Variants in ASPH observed in about 807,000 individuals in gnomAD.
ASPH encodes the protein aspartyl/asparaginyl beta-hydroxylase.
Under a neutral mutation model 118.4 loss-of-function variants are expected in ASPH, and 100 were observed. The observed-to-expected ratio is 0.84, with a 90% confidence interval of 0.72 to 1.00. The LOEUF is 1.00. ASPH is among the 50% of genes least tolerant of loss of function. The pLI, the probability that ASPH is intolerant of heterozygous loss-of-function variation, is 0.00. For missense variants in ASPH, 920 were observed against 919.5 expected (o/e 1.00, Z -0.01); for synonymous variants, 315 against 325.6 (o/e 0.97, Z 0.35).
rs768203767 is a variant in ASPH, at chr8:61,584,012, T to G, written c.994A>C (p.Lys332Gln). The change falls in exon 15 of 25, where the codon AAA becomes CAA. Residue 332 changes from lysine to glutamine, a missense_variant. Transcript: ENST00000379454. ...QKAKVKKKKP[K>Q]LLNKFDKTIK... The stretch of plus-strand genomic sequence containing the variant: ...GTCTTATCAAATTTATTTAAAAGTT[T>G]AGGCTTCTTTTTCTTAACTGAAAGA... 1 of 1,552,944 alleles carries G rather than the reference T, an allele frequency of 6.4e-7. No individual in the cohort carries two copies. Among genetic ancestry groups the G allele is most frequent in the South Asian group, 1.2e-5 (1 of 83,620 alleles).
intron 14 of ASPH, among the ~76,000 whole-genome samples, chr8:61,588,170 G>A (rs1840022485): frequency 6.6e-6 from 1 of 152,168 alleles, no homozygotes; most frequent in Admixed American, 6.5e-5. Flanking sequence ...ATAAATTAAA[G>A]TTTTGTTTTG....
intron 20 of ASPH, among the ~76,000 whole-genome samples, chr8:61,549,916 C>T (rs928288863): frequency 1.3e-5 from 2 of 152,068 alleles, no homozygotes; most frequent in East Asian, 1.9e-4. Context: ...ATTTTAGTTC[C>T]GGCCTTTAAT....
chr8:61,707,189 A>G (rs2151909119), intron 1 of ASPH, among the ~76,000 whole-genome samples: 1 of 152,326 alleles, frequency 6.6e-6, no homozygotes, highest in Non-Finnish European at 1.5e-5. Flanking sequence ...GTGAGTAAAC[A>G]CAGACTAGGA....
At chr8:61,570,572 T>C (rs1833185725) in intron 16 of ASPH, among the ~76,000 whole-genome samples, 1 of 152,180 alleles carries the variant, frequency 6.6e-6, no homozygotes, top group South Asian at 2.1e-4. Flanking sequence ...TTTGTTTTAA[T>C]GAAGTATTAA....
intron 10 of ASPH, among the ~76,000 whole-genome samples, chr8:61,640,463 C>T (rs1175975726): frequency 1.3e-5 from 2 of 152,184 alleles, no homozygotes; most frequent in Admixed American, 6.5e-5. Flanking sequence ...AGACCTCATA[C>T]GACTCTCCAG....
intron 21 of ASPH, among the ~76,000 whole-genome samples, chr8:61,537,777 T>A (rs1280920852): frequency 5.9e-5 from 9 of 152,206 alleles, no homozygotes; most frequent in Admixed American, 5.9e-4. Flanking sequence ...ATATCAAACG[T>A]TGTGCTGTAA....
chr8:61,561,977 C>T (rs1292980603), intron 18 of ASPH, among the ~76,000 whole-genome samples: 2 of 152,168 alleles, frequency 1.3e-5, no homozygotes, highest in Non-Finnish European at 2.9e-5. Context: ...CATACTATCA[C>T]TGAGTGGTAG....
intron 14 of ASPH, among the ~76,000 whole-genome samples, chr8:61,603,349 G>A (rs944567234): frequency 2.0e-5 from 3 of 151,976 alleles, no homozygotes; most frequent in South Asian, 2.1e-4. Context: ...CCTAAACAAG[G>A]TCCAAAGACA....
chr8:61,633,992 A>G (rs553186941), intron 12 of ASPH, among the ~76,000 whole-genome samples: 2 of 152,324 alleles, frequency 1.3e-5, no homozygotes, highest in East Asian at 3.9e-4. Context: ...ACTGCCCAGC[A>G]AAGGAGCTAT....
chr8:61,632,289 C>T (rs1382792074), intron 13 of ASPH, among the ~76,000 whole-genome samples: 1 of 152,066 alleles, frequency 6.6e-6, no homozygotes, highest in Non-Finnish European at 1.5e-5. Context: ...AAAATATTAT[C>T]TTTCATATCT....
At chr8:61,655,534 C>T (rs1220134526) in intron 3 of ASPH, among the ~76,000 whole-genome samples, 1 of 152,152 alleles carries the variant, frequency 6.6e-6, no homozygotes, top group African/African-American at 2.4e-5. Context: ...GTTTTCTCAC[C>T]AAACGATAAA....
chr8:61,652,938 G>A (rs1460429602), intron 4 of ASPH, among the ~76,000 whole-genome samples: 1 of 152,182 alleles, frequency 6.6e-6, no homozygotes, highest in Non-Finnish European at 1.5e-5. Flanking sequence ...CAGTAAATAT[G>A]TAGTGTCATT....
chr8:61,713,920 C>T (rs1392341365), intron 1 of ASPH, among the ~76,000 whole-genome samples: 1 of 152,182 alleles, frequency 6.6e-6, no homozygotes, highest in African/African-American at 2.4e-5. Flanking sequence ...ACACGCAAGG[C>T]AAACGATAAA....
rs940737623 is a variant in ASPH at position 61,512,815 on chromosome 8, C to A, written c.2126+4713G>T. ...TTGGAACAATGTATATTATTACTAT[C>A]ATCATTATCATCAATACACATATAT... On this transcript the variant is annotated intron_variant, in intron 24 of 24. Coordinates refer to ENST00000379454, the MANE Select transcript of ASPH (RefSeq NM_004318.4). 2.6e-5 allele frequency among the ~76,000 whole-genome samples: 4 copies of A among 152,188 alleles called. No individual in the cohort carries two copies. The East Asian group carries it at 7.7e-4, about 29-fold the overall frequency.
intron 1 of ASPH, among the ~76,000 whole-genome samples, chr8:61,708,286 A>C (rs1043410012): frequency 2.6e-5 from 4 of 152,228 alleles, no homozygotes; most frequent in Admixed American, 1.3e-4. Context: ...AATCCATGAA[A>C]CAACTTACAA....
At position 61,503,163 on chromosome 8, in the gene ASPH, G is replaced by A. The variant is rs930173553; in HGVS notation, c.*196C>T. 1 of 492,382 alleles carries A rather than the reference G, an allele frequency of 2.0e-6. No individual in the cohort carries two copies. Among genetic ancestry groups the A allele is most frequent in the Non-Finnish European group, 3.4e-6 (1 of 297,208 alleles). The allele number at this position is 492,382 out of a possible 1,614,324, so 30.5% of individuals were successfully genotyped here. A position where few individuals can be genotyped will look rare whatever the true frequency, so the allele number is the denominator to read the frequency against. ...CTGTCATGAGATGACACACAGCAGG[G>A]TGTTTCCTAAATGAATTGCAGCGAG... On this transcript the variant is annotated 3_prime_UTR_variant, in exon 25 of 25. Coordinates refer to ENST00000379454, the MANE Select transcript of ASPH (RefSeq NM_004318.4).
chr8:61,611,884 G>C (rs999168280), intron 14 of ASPH, among the ~76,000 whole-genome samples: 1 of 152,128 alleles, frequency 6.6e-6, no homozygotes, highest in South Asian at 2.1e-4. Flanking sequence ...GTCCAGCCAA[G>C]TTAACTGTCT....
At chr8:61,653,252 T>G (rs1305637727) in intron 4 of ASPH, among the ~76,000 whole-genome samples, 5 of 152,300 alleles carry the variant, frequency 3.3e-5, no homozygotes, top group African/African-American at 1.2e-4. Context: ...ATTGTGTGTA[T>G]TTTTACTTTC....
At chr8:61,546,937 C>T (rs1285838794) in intron 21 of ASPH, among the ~76,000 whole-genome samples, 2 of 152,194 alleles carry the variant, frequency 1.3e-5, no homozygotes, top group African/African-American at 2.4e-5. Context: ...CCTCTTCATC[C>T]CTGCTTCTTG....
Sources: gnomAD v4.1 joint callset for allele counts (sites outside exome capture counted in the v4.1 genomes callset) on GRCh38, gnomAD v4.1.1 for gene constraint, MANE v1.5 for transcripts, NCBI Gene and HGNC (gene_info 2026-07-23, HGNC 2026-07-21) for gene names.